PTPRK: variants seen among roughly 807,000 people sequenced by gnomAD.
PTPRK encodes the protein protein tyrosine phosphatase receptor type K, also known as receptor-type tyrosine-protein phosphatase kappa.
Under a neutral mutation model 178.0 loss-of-function variants are expected in PTPRK, and 75 were observed. That is an observed-to-expected ratio of 0.42 (90% confidence interval 0.35 to 0.51). The LOEUF is 0.51. PTPRK is among the 20% of genes least tolerant of loss of function. PTPRK has a pLI of 0.02. For missense variants in PTPRK, 1,441 were observed against 1,797.8 expected (o/e 0.80, Z 3.59); for synonymous variants, 637 against 620.6 (o/e 1.03, Z -0.39).
intron 6 of PTPRK, 32 bp downstream of exon 6, chr6:128,218,890 A>G: frequency 6.4e-7 from 1 of 1,570,126 alleles, no homozygotes; most frequent in Non-Finnish European, 8.7e-7. Flanking sequence ...AAAGCCATGC[A>G]ATTTCGTGAA....
intron 3 of PTPRK, among the ~76,000 whole-genome samples, chr6:128,260,662 CAT>C (rs1278542329): frequency 6.6e-6 from 1 of 152,078 alleles, no homozygotes; most frequent in Non-Finnish European, 1.5e-5. Flanking sequence ...ATAAAAGACT[CAT>C]ATAACCACTA....
chr6:128,340,457 G>A (rs1831516815), intron 2 of PTPRK, among the ~76,000 whole-genome samples: 1 of 152,154 alleles, frequency 6.6e-6, no homozygotes, highest in African/African-American at 2.4e-5. Context: ...AAGAAAGCAT[G>A]CTCTGTTAAT....
intron 2 of PTPRK, among the ~76,000 whole-genome samples, chr6:128,331,564 T>C (rs569007194): frequency 6.6e-6 from 1 of 152,308 alleles, no homozygotes; most frequent in East Asian, 1.9e-4. Flanking sequence ...ATTAATTTGG[T>C]TAGACGGACA....
At chr6:128,055,692 T>C (rs1329058083) in intron 13 of PTPRK, among the ~76,000 whole-genome samples, 2 of 152,150 alleles carry the variant, frequency 1.3e-5, no homozygotes, top group Admixed American at 1.3e-4. Flanking sequence ...CTCGAACTCC[T>C]GGGCTCAAAT....
At chr6:128,042,373 T>A (rs1777335005) in intron 13 of PTPRK, among the ~76,000 whole-genome samples, 1 of 151,904 alleles carries the variant, frequency 6.6e-6, no homozygotes, top group Non-Finnish European at 1.5e-5. Flanking sequence ...CATAAATGAG[T>A]CTTATGGGAC....
intron 13 of PTPRK, chr6:128,027,899 C>G (rs1774602443): frequency 6.6e-6 from 1 of 152,118 alleles, no homozygotes; most frequent in African/African-American, 2.4e-5. Context: ...GCTGTATCTT[C>G]TTTTACCGAT....
chr6:127,983,075 A>C, intron 23 of PTPRK, 95 bp from the exon 24 acceptor site: 1 of 1,379,040 alleles, frequency 7.3e-7, no homozygotes, highest in South Asian at 1.4e-5. Flanking sequence ...CTCTATATGG[A>C]AATATGAATT....
chr6:128,043,534 T>A (rs1777533184), intron 13 of PTPRK, among the ~76,000 whole-genome samples: 1 of 55,710 alleles, frequency 1.8e-5, no homozygotes, highest in South Asian at 2.0e-3. Context: ...ATGACCAATA[T>A]CATACTATAA....
intron 15 of PTPRK, among the ~76,000 whole-genome samples, chr6:128,003,725 C>T (rs1778101635): frequency 6.6e-6 from 1 of 151,712 alleles, no homozygotes; most frequent in Non-Finnish European, 1.5e-5. Flanking sequence ...GCTTTCAAAA[C>T]CTTAATTGAT....
At chr6:128,086,196 C>G (rs1562557565) in intron 8 of PTPRK, among the ~76,000 whole-genome samples, 1 of 151,946 alleles carries the variant, frequency 6.6e-6, no homozygotes, top group Non-Finnish European at 1.5e-5. Flanking sequence ...ATATAACTCT[C>G]AAAATGGAAA....
At chr6:128,013,400 G>A (rs1427397487) in intron 13 of PTPRK, among the ~76,000 whole-genome samples, 5 of 151,362 alleles carry the variant, frequency 3.3e-5, no homozygotes, top group Non-Finnish European at 5.9e-5. Context: ...GTTGCAACCC[G>A]AATTCCTGAC....
intron 27 of PTPRK, 30 bp from the exon 28 acceptor site, chr6:127,973,857 C>G: frequency 1.3e-6 from 2 of 1,589,224 alleles, no homozygotes; most frequent in Non-Finnish European, 1.7e-6. Context: ...TATGTAAATA[C>G]GCTGGGACTA....
At chr6:128,110,926 C>A (rs1790546422) in intron 7 of PTPRK, among the ~76,000 whole-genome samples, 1 of 152,228 alleles carries the variant, frequency 6.6e-6, no homozygotes, top group South Asian at 2.1e-4. Context: ...AGGTGGTGTG[C>A]CCAAATAGTC....
chr6:128,494,767 G>C (rs1362288528), intron 1 of PTPRK, among the ~76,000 whole-genome samples: 2 of 152,104 alleles, frequency 1.3e-5, no homozygotes, highest in Non-Finnish European at 2.9e-5. Context: ...TTCCAAAAGA[G>C]CCTGAAACTT....
At chr6:128,517,056 C>T (rs1413446075) in intron 1 of PTPRK, among the ~76,000 whole-genome samples, 1 of 151,304 alleles carries the variant, frequency 6.6e-6, no homozygotes, top group Non-Finnish European at 1.5e-5. Context: ...AAATGAATGA[C>T]TGGCTGAGTG....
Position 128,326,496 on chromosome 6 carries a change from T to C in PTPRK, c.224-4186A>G, listed in dbSNP as rs555360475. The stretch of plus-strand genomic sequence containing the variant: ...CAGTAATTTGCAAAATTACAGCAAA[T>C]CAATTTAATGAACAATAATGCAGTC... On this transcript the variant is annotated intron_variant, in intron 2 of 29. Transcript: ENST00000368226. Among the ~76,000 whole-genome samples, 6 of 152,186 alleles carry C rather than the reference T, an allele frequency of 3.9e-5. No individual in the cohort carries two copies. In the South Asian group the frequency reaches 1.2e-3, roughly 32 times the overall value.
intron 5 of PTPRK, among the ~76,000 whole-genome samples, chr6:128,234,008 G>A (rs535283550): frequency 5.3e-5 from 8 of 152,252 alleles, no homozygotes; most frequent in Non-Finnish European, 8.8e-5. Context: ...TGCAGCAATA[G>A]GCTCTATTTG....
intron 16 of PTPRK, among the ~76,000 whole-genome samples, chr6:127,997,692 A>C (rs1339925555): frequency 6.6e-6 from 1 of 152,116 alleles, no homozygotes; most frequent in Non-Finnish European, 1.5e-5. Context: ...ACAGGAGTAC[A>C]CATGAAATGA....
At chr6:128,107,417 C>T (rs1789907302) in intron 7 of PTPRK, among the ~76,000 whole-genome samples, 1 of 151,856 alleles carries the variant, frequency 6.6e-6, no homozygotes, top group South Asian at 2.1e-4. Context: ...TAATGTATAC[C>T]AGGAATACAT....
Sources: allele counts gnomAD v4.1 joint callset (sites outside exome capture counted in the v4.1 genomes callset), GRCh38; gene constraint gnomAD v4.1.1; transcripts MANE v1.5; gene names NCBI Gene and HGNC (gene_info 2026-07-23, HGNC 2026-07-21).